GPC5: variants seen among roughly 807,000 people sequenced by gnomAD.
GPC5 encodes the protein glypican 5, also known as glypican-5.
In GPC5, 47 loss-of-function variants were observed where a neutral mutation model predicts 53.9. That is an observed-to-expected ratio of 0.87 (90% CI 0.69 to 1.11). The LOEUF (loss-of-function observed/expected upper bound fraction) is 1.11, where lower values mean the gene tolerates loss of function less well. GPC5 is among the 50% of genes most tolerant of loss of function. The probability of loss-of-function intolerance (pLI) is 0.00; values close to 1 mark genes in which losing one functional copy is unlikely to be tolerated. For synonymous variants in GPC5, 286 were observed against 263.3 expected (o/e 1.09, Z -0.84); for missense variants, 748 against 713.1 (o/e 1.05, Z -0.56).
chr13:92,357,683 C>T (rs913020474), intron 7 of GPC5, among the ~76,000 whole-genome samples: 2 of 151,508 alleles, frequency 1.3e-5, no homozygotes, highest in African/African-American at 4.9e-5. Flanking sequence ...AACTTAATAT[C>T]AGGGCGAAAG....
intron 2 of GPC5, among the ~76,000 whole-genome samples, chr13:91,541,405 T>G (rs905675390): frequency 2.0e-5 from 3 of 152,182 alleles, no homozygotes; most frequent in African/African-American, 7.2e-5. Flanking sequence ...GGACTTGCAG[T>G]GCCTCCTTTA....
At chr13:92,634,284 C>T (rs57289828) in intron 7 of GPC5, among the ~76,000 whole-genome samples, 2,680 of 152,120 alleles carry the variant, frequency 0.018, 79 homozygotes, top group African/African-American at 0.061. Context: ...TTTTAATTAT[C>T]AAGGGAATTA....
At chr13:92,762,986 A>C (rs1358651254) in intron 7 of GPC5, among the ~76,000 whole-genome samples, 1 of 150,900 alleles carries the variant, frequency 6.6e-6, no homozygotes, top group East Asian at 2.0e-4. Flanking sequence ...CTCTTTATTA[A>C]ATTTCTCATT....
At chr13:92,395,035 A>C (rs935323224) in intron 7 of GPC5, among the ~76,000 whole-genome samples, 1 of 152,128 alleles carries the variant, frequency 6.6e-6, no homozygotes, top group African/African-American at 2.4e-5. Context: ...TCTTGGAGAA[A>C]ATATATAATT....
At chr13:92,119,920 C>T (rs1178645655) in intron 6 of GPC5, among the ~76,000 whole-genome samples, 8 of 152,010 alleles carry the variant, frequency 5.3e-5, no homozygotes, top group Non-Finnish European at 1.0e-4. Context: ...AGCACTGGGT[C>T]TATATTTATA....
intron 6 of GPC5, among the ~76,000 whole-genome samples, chr13:92,127,293 G>A (rs1050403683): frequency 1.3e-5 from 2 of 151,332 alleles, no homozygotes; most frequent in South Asian, 2.1e-4. Flanking sequence ...ATATATGTGT[G>A]TATATATGTA....
intron 2 of GPC5, among the ~76,000 whole-genome samples, chr13:91,592,320 A>G (rs1394663584): frequency 6.6e-6 from 1 of 152,178 alleles, no homozygotes; most frequent in Non-Finnish European, 1.5e-5. Context: ...TTGTGTGTAC[A>G]GTCATGCTCT....
intron 7 of GPC5, among the ~76,000 whole-genome samples, chr13:92,495,619 A>T (rs1269490439): frequency 8.8e-6 from 1 of 113,978 alleles, no homozygotes; most frequent in Non-Finnish European, 1.8e-5. Context: ...ACAATCTTTA[A>T]GGAGACTTTT....
chr13:91,465,321 A>G (rs987283063), intron 2 of GPC5, among the ~76,000 whole-genome samples: 1 of 152,124 alleles, frequency 6.6e-6, no homozygotes, highest in African/African-American at 2.4e-5. Flanking sequence ...GACCACCACA[A>G]TTAGAGAATA....
At position 92,393,807 on chromosome 13, in the gene GPC5, C is replaced by T. The variant is rs943709679; in HGVS notation, c.1561+248818C>T. On this transcript the variant is annotated intron_variant, in intron 7 of 7. Coordinates refer to ENST00000377067, the MANE Select transcript of GPC5 (RefSeq NM_004466.6). ...ATGAAATAATATGTACAGCAAACCC[C>T]CATGAAATGTGTTTGCCTGTGTGAC... 2.9e-4 allele frequency among the ~76,000 whole-genome samples: 44 copies of T among 152,054 alleles called. 1 individual carries two copies. Among genetic ancestry groups the T allele is most frequent in the Admixed American group, 2.8e-3 (43 of 15,272 alleles).
In GPC5 at chr13:92,078,468, C is replaced by T. The variant is rs533654788; in HGVS notation, c.1402-66362C>T. ...TGTGAGAATCATAGCTGTTAATACA[C>T]GTAAAATACCTAGAACAATGCTTGA... On this transcript the variant is annotated intron_variant, in intron 6 of 7. Transcript: ENST00000377067. 3.3e-5 allele frequency among the ~76,000 whole-genome samples: 5 copies of T among 152,228 alleles called. No homozygotes were observed. In the South Asian group the frequency reaches 6.2e-4, roughly 19 times the overall value.
intron 7 of GPC5, among the ~76,000 whole-genome samples, chr13:92,309,279 C>G (rs1286115426): frequency 6.6e-6 from 1 of 152,016 alleles, no homozygotes; most frequent in Non-Finnish European, 1.5e-5. Context: ...GGATCTGGCA[C>G]AGGATTAATA....
At chr13:92,533,751 A>G (rs556107163) in intron 7 of GPC5, among the ~76,000 whole-genome samples, 1 of 152,314 alleles carries the variant, frequency 6.6e-6, no homozygotes, top group South Asian at 2.1e-4. Context: ...AGGACTAGAC[A>G]GAGGAAAGTA....
chr13:91,800,936 T>C (rs1290556734), intron 5 of GPC5, among the ~76,000 whole-genome samples: 1 of 152,190 alleles, frequency 6.6e-6, no homozygotes, highest in Non-Finnish European at 1.5e-5. Flanking sequence ...AATGCTAAAT[T>C]TTGTTTCTTT....
At chr13:91,790,632 T>C (rs922444051) in intron 5 of GPC5, among the ~76,000 whole-genome samples, 4 of 152,248 alleles carry the variant, frequency 2.6e-5, no homozygotes, top group African/African-American at 9.6e-5. Flanking sequence ...TCAGAACATT[T>C]ATTATTTCTT....
chr13:92,654,326 G>A (rs1005831716), intron 7 of GPC5, among the ~76,000 whole-genome samples: 1 of 152,080 alleles, frequency 6.6e-6, no homozygotes, highest in African/African-American at 2.4e-5. Flanking sequence ...TCTAAATGAA[G>A]CAATAAAAAT....
intron 6 of GPC5, among the ~76,000 whole-genome samples, chr13:92,020,683 CT>C (rs71113782): frequency 0.034 from 4,733 of 140,594 alleles, 193 homozygotes; most frequent in African/African-American, 0.096. Context: ...TTAGTTTATT[CT>C]TTTTTTTTTT....
intron 2 of GPC5, among the ~76,000 whole-genome samples, chr13:91,671,291 C>T (rs2035236567): frequency 6.6e-6 from 1 of 152,060 alleles, no homozygotes; most frequent in Non-Finnish European, 1.5e-5. Flanking sequence ...AGTCTTGATA[C>T]TTGAGAAATC....
chr13:92,361,507 G>A (rs1469419160), intron 7 of GPC5, among the ~76,000 whole-genome samples: 4 of 151,712 alleles, frequency 2.6e-5, no homozygotes, highest in African/African-American at 4.9e-5. Context: ...GCAGGCTTAT[G>A]AGAGAGCATG....
Sources: allele counts gnomAD v4.1 joint callset (sites outside exome capture counted in the v4.1 genomes callset), GRCh38; gene constraint gnomAD v4.1.1; transcripts MANE v1.5; gene names NCBI Gene and HGNC (gene_info 2026-07-23, HGNC 2026-07-21).